The following CNPPD1 variants were observed in gnomAD, a reference collection of about 807,000 sequenced individuals.
The protein encoded by CNPPD1 is cyclin Pas1/PHO80 domain containing 1, also known as protein CNPPD1.
Under a neutral mutation model 43.7 loss-of-function variants are expected in CNPPD1, and 40 were observed. The observed-to-expected ratio is 0.92, with a 90% CI of 0.71 to 1.19. CNPPD1 has a LOEUF of 1.19. Ranked by LOEUF, CNPPD1 falls within the 50% of genes most tolerant of loss-of-function variation. The probability of loss-of-function intolerance (pLI) is 0.00; values close to 1 mark genes in which losing one functional copy is unlikely to be tolerated. For synonymous variants in CNPPD1, 208 were observed against 214.3 expected (o/e 0.97, Z 0.26); for missense variants, 511 against 518.5 (o/e 0.99, Z 0.14).
Position 219,172,124 on chromosome 2 carries a change from AG to A in CNPPD1, c.*461del. On this transcript the variant is annotated 3_prime_UTR_variant, in exon 8 of 8. Coordinates refer to ENST00000360507, the MANE Select transcript of CNPPD1 (RefSeq NM_015680.6). ...CTAAAGCTAAGGAATGGGAGTGAAA[AG>A]GGTTCCCTGCCTCACCCAGCAGCTC... is the stretch of plus-strand genomic sequence containing the variant. 1 of 174,290 alleles carries A rather than the reference AG, an allele frequency of 5.7e-6. No homozygotes were observed. Among genetic ancestry groups the A allele is most frequent in the South Asian group, 1.1e-4 (1 of 8,858 alleles). The allele number at this position is 174,290 out of a possible 1,614,324, so 10.8% of individuals were successfully genotyped here. A position where few individuals can be genotyped will look rare whatever the true frequency, so the allele number is the denominator to read the frequency against.
intron 5 of CNPPD1, 32 bp downstream of exon 5, chr2:219,174,746 G>A (rs1574771263): frequency 6.5e-7 from 1 of 1,547,810 alleles, no homozygotes; most frequent in East Asian, 2.3e-5. Flanking sequence ...ATGGGCCAGG[G>A]AAACTGAGCA....
upstream of CNPPD1, chr2:219,177,057 G>T (rs1386086558): frequency 1.8e-5 from 8 of 448,158 alleles, no homozygotes; most frequent in East Asian, 7.3e-5. Context: ...GCGCGCGGGG[G>T]CCCTAGGCCC....
At position 219,174,308 on chromosome 2, in the gene CNPPD1, G is replaced by C. The variant is rs1392782323; in HGVS notation, c.511-101C>G. Reference sequence around the variant, plus strand: ...AACTACAACCGCCCCTATGGCTAATGCATATTTGGCACTTACCATGTGCCA... The same window carrying C: ...AACTACAACCGCCCCTATGGCTAATCCATATTTGGCACTTACCATGTGCCA... On this transcript the variant is annotated intron_variant, in intron 5 of 7. Transcript: ENST00000360507. 4 of 1,139,734 alleles carry C rather than the reference G, an allele frequency of 3.5e-6. No homozygotes were observed. The African/African-American group carries it at 6.1e-5, about 17-fold the overall frequency. The allele number at this position is 1,139,734 out of a possible 1,614,324, so 70.6% of individuals were successfully genotyped here. A position where few individuals can be genotyped will look rare whatever the true frequency, so the allele number is the denominator to read the frequency against.
chr2:219,173,339 C>T lies in CNPPD1; in HGVS notation c.690+11G>A, dbSNP rs758097304. 1 of 1,609,742 alleles carries T rather than the reference C, an allele frequency of 6.2e-7. No individual in the cohort carries two copies. The highest frequency in any genetic ancestry group is 1.1e-5 in the South Asian group (1 of 90,848). On this transcript the variant is annotated intron_variant, in intron 7 of 7. Transcript: ENST00000360507. ...TGCTCAAGCTCCCTATCCTTCCGAG[C>T]CCCTCCTCACCTTTACCAGCCGCTG...
intron 2 of CNPPD1, 74 bp from the exon 3 acceptor site, chr2:219,175,746 A>G: frequency 1.6e-6 from 2 of 1,246,850 alleles, no homozygotes; most frequent in Admixed American, 1.7e-5. Context: ...CACTGCTAGC[A>G]GAAGACCCAG....
chr2:219,173,507 C>T (rs1950110165), intron 6 of CNPPD1, 40 bp from the exon 7 acceptor site: 1 of 1,581,372 alleles, frequency 6.3e-7, no homozygotes, highest in Non-Finnish European at 8.7e-7. Context: ...TGCAACTGTC[C>T]TGCAGCCAGC....
At chr2:219,176,963 T>TCGCAGCTCCCTCCCCCC (rs2106391003), upstream of CNPPD1, 1 of 675,208 alleles carries the variant, frequency 1.5e-6, no homozygotes, top group Non-Finnish European at 2.4e-6. Flanking sequence ...GCCCTCGCCC[T>TCGCAGCTCCCTCCCCCC]CGCAGCTCCC....
At chr2:219,176,097 C>T (rs2106388914) in intron 2 of CNPPD1, 126 bp downstream of exon 2, 1 of 699,542 alleles carries the variant, frequency 1.4e-6, no homozygotes, top group Non-Finnish European at 2.5e-6. Context: ...CCCTCTTGAA[C>T]CAAGTACCAA....
intron 2 of CNPPD1, 148 bp downstream of exon 2, chr2:219,176,075 A>T: frequency 1.6e-6 from 1 of 629,050 alleles, no homozygotes. Context: ...AAAGAATGGG[A>T]AATGCAAACT....
At position 219,174,803 on chromosome 2, in the gene CNPPD1, A is replaced by G; in HGVS notation, c.485T>C (p.Leu162Ser). The G allele has an allele frequency of 6.2e-7, 1 of 1,609,998 alleles. No individual in the cohort carries two copies. Among genetic ancestry groups the G allele is most frequent in the Non-Finnish European group, 8.5e-7 (1 of 1,177,192 alleles). The change falls in exon 5 of 8, where the codon TTG becomes TCG. Residue 162 changes from leucine (L) to serine (S), a missense_variant. Leu to Ser is a moderately radical substitution (Grantham distance 145, BLOSUM62 -2). Coordinates refer to ENST00000360507, the MANE Select transcript of CNPPD1 (RefSeq NM_015680.6). Reference protein sequence around the residue: ...GGVAVPTLNALERGFLSAMDW... With the variant: ...GGVAVPTLNASERGFLSAMDW... ...CATGGCACTCAGGAAGCCCCTCTCC[A>G]AGGCATTGAGAGTGGGCACGGCCAC...
upstream of CNPPD1, chr2:219,176,932 C>G (rs140819668): frequency 0.018 from 17,196 of 970,014 alleles, 204 homozygotes; most frequent in South Asian, 0.022. Flanking sequence ...GCCTGCCTCC[C>G]CGGGGCGGGC....
At chr2:219,177,119 G>T (rs1950186205), upstream of CNPPD1, 1 of 346,814 alleles carries the variant, frequency 2.9e-6, no homozygotes, top group African/African-American at 2.1e-5. Flanking sequence ...GGAGCAGAAA[G>T]GAGATGCGGC....
chr2:219,175,695 C>T (rs776751119), intron 2 of CNPPD1, 23 bp from the exon 3 acceptor site: 6 of 1,610,300 alleles, frequency 3.7e-6, no homozygotes, highest in East Asian at 4.5e-5. Context: ...GAAGGAAGGC[C>T]GAGTGAGCAA....
Position 219,172,395 on chromosome 2 carries a change from A to G in CNPPD1, c.*191T>C. 2 of 659,290 alleles carry G rather than the reference A, an allele frequency of 3.0e-6. No individual in the cohort carries two copies. Among genetic ancestry groups the G allele is most frequent in the South Asian group, 3.6e-5 (2 of 54,958 alleles). The allele number at this position is 659,290 out of a possible 1,614,324, so 40.8% of individuals were successfully genotyped here. On this transcript the variant is annotated 3_prime_UTR_variant, in exon 8 of 8. Coordinates refer to ENST00000360507, the MANE Select transcript of CNPPD1 (RefSeq NM_015680.6). ...CCTGGCGGCATCACTGTCCTGGCCA[A>G]GCAGCCAGCCACTGCGATCTAGGAG...
Position 219,175,658 on chromosome 2 carries a change from G to C in CNPPD1, c.193C>G (p.Leu65Val). 1.2e-6 allele frequency: 2 copies of C among 1,614,048 alleles called. No homozygotes were observed. The highest frequency in any genetic ancestry group is 1.7e-6 in the Non-Finnish European group (2 of 1,179,950). The change falls in exon 3 of 8, where the codon CTG becomes GTG. Residue 65 changes from leucine (L) to valine (V), a missense_variant. By Grantham distance (32) the Leu-to-Val change is conservative. Transcript: ENST00000360507. ...GGGCTGGGGGCTGCCTTCTGGAGCA[G>C]TTCGACAGCAATGTCTGCAAGGGAC... Reference protein sequence around the residue: ...SSPVADIAVELLQKAAPSPIR... With the variant: ...SSPVADIAVEVLQKAAPSPIR...
At chr2:219,174,936 A>G (rs1487738957) in intron 4 of CNPPD1, 30 bp from the exon 5 acceptor site, 9 of 1,614,170 alleles carry the variant, frequency 5.6e-6, no homozygotes, top group Admixed American at 1.7e-5. Context: ...GGTGGAGCAG[A>G]GCTCATAGCA....
rs778519106 is a variant in CNPPD1, at chr2:219,172,710, G to A, written c.1109C>T (p.Thr370Ile). 4 of 1,613,870 alleles carry A rather than the reference G, an allele frequency of 2.5e-6. No homozygotes were observed. Among genetic ancestry groups the A allele is most frequent in the African/African-American group, 1.3e-5 (1 of 74,930 alleles). The change falls in exon 8 of 8, where the codon ACC (threonine) becomes ATC (isoleucine). Residue 370 changes from threonine (T) to isoleucine (I), a missense_variant. Physicochemically the swap from Thr to Ile is moderately conservative, Grantham distance 89. Coordinates refer to ENST00000360507, the MANE Select transcript of CNPPD1 (RefSeq NM_015680.6). ...PTALSSPWYHTYGLAPPWPWS... is the reference protein window; with the variant it reads ...PTALSSPWYHIYGLAPPWPWS... Reference sequence around the variant, plus strand: ...AGGCCAGGGGGGAGCCAGGCCATAGGTATGGTACCAGGGGCTGGACAGCGC... The same window carrying A: ...AGGCCAGGGGGGAGCCAGGCCATAGATATGGTACCAGGGGCTGGACAGCGC...
rs746029753 is a variant in CNPPD1, at chr2:219,172,738, T to G, written c.1081A>C (p.Thr361Pro). 3 of 1,612,086 alleles carry G rather than the reference T, an allele frequency of 1.9e-6. No individual in the cohort carries two copies. The highest frequency in any genetic ancestry group is 2.5e-6 in the Non-Finnish European group (3 of 1,179,360). The change falls in exon 8 of 8, where the codon ACT becomes CCT. Residue 361 changes from threonine (T) to proline (P), a missense_variant. By Grantham distance (38) the Thr-to-Pro change is conservative. Coordinates refer to ENST00000360507, the MANE Select transcript of CNPPD1 (RefSeq NM_015680.6). Reference sequence around the variant, plus strand: ...TGGTACCAGGGGCTGGACAGCGCAGTGGGGACTGTACGGTTGGGGTGGAGG... The same window carrying G: ...TGGTACCAGGGGCTGGACAGCGCAGGGGGGACTGTACGGTTGGGGTGGAGG... Reference protein sequence around the residue: ...ACLHPNRTVPTALSSPWYHTY... With the variant: ...ACLHPNRTVPPALSSPWYHTY...
At chr2:219,174,262 A>G (rs1950122929) in intron 5 of CNPPD1, 55 bp from the exon 6 acceptor site, 1 of 1,559,512 alleles carries the variant, frequency 6.4e-7, no homozygotes, top group Non-Finnish European at 8.8e-7. Flanking sequence ...ACAGTCATTT[A>G]ATAATAAGAG....
Sources: allele counts gnomAD v4.1 joint callset, GRCh38; gene constraint gnomAD v4.1.1; transcripts MANE v1.5; gene names NCBI Gene and HGNC (gene_info 2026-07-23, HGNC 2026-07-21).